CDC40: variants seen among roughly 807,000 people sequenced by gnomAD.
CDC40 encodes the protein pre-mRNA-processing factor 17.
Under a neutral mutation model 80.6 loss-of-function variants are expected in CDC40, and 27 were observed. The observed-to-expected ratio is 0.33, with a 90% CI of 0.25 to 0.46. CDC40 has a LOEUF of 0.46. Ranked by LOEUF, CDC40 falls within the 20% of genes least tolerant of loss-of-function variation. CDC40 has a pLI of 1.00. For synonymous variants in CDC40, 221 were observed against 232.6 expected (o/e 0.95, Z 0.45); for missense variants, 486 against 694.1 (o/e 0.70, Z 3.37).
intron 13 of CDC40, among the ~76,000 whole-genome samples, chr6:110,227,583 G>A (rs1260694202): frequency 5.3e-5 from 8 of 152,154 alleles, no homozygotes; most frequent in Non-Finnish European, 1.2e-4. Context: ...TCCTTAGTAA[G>A]TAATGTTTAC....
At chr6:110,185,203 T>C (rs1562198231) in intron 1 of CDC40, among the ~76,000 whole-genome samples, 2 of 151,968 alleles carry the variant, frequency 1.3e-5, no homozygotes, top group Non-Finnish European at 2.9e-5. Context: ...ACTTCTTTCT[T>C]TCTCTCTTTC....
chr6:110,201,478 C>A, intron 2 of CDC40, 80 bp from the exon 3 acceptor site: 1 of 1,050,992 alleles, frequency 9.5e-7, no homozygotes, highest in South Asian at 1.8e-5. Flanking sequence ...TACAGTTATT[C>A]CAGTAATTCT....
intron 12 of CDC40, among the ~76,000 whole-genome samples, chr6:110,220,701 T>C (rs949904250): frequency 1.3e-5 from 2 of 152,148 alleles, no homozygotes; most frequent in Non-Finnish European, 2.9e-5. Flanking sequence ...CACCTTGGCC[T>C]CCCAAAGTGC....
At chr6:110,183,530 G>A (rs1029434913) in intron 1 of CDC40, among the ~76,000 whole-genome samples, 4 of 152,186 alleles carry the variant, frequency 2.6e-5, no homozygotes, top group African/African-American at 7.2e-5. Flanking sequence ...AGTCCACCCA[G>A]TGGTCTGGGT....
In CDC40 at chr6:110,201,678, G is replaced by C; in HGVS notation, c.397G>C (p.Ala133Pro). The change falls in exon 3 of 15, where the codon GCA (alanine) becomes CCA (proline). Residue 133 changes from alanine to proline, a missense_variant. Transcript: ENST00000307731. ...FMFEQQRRTF[A>P]TYGYALDPSL... ...GTTTGAGCAGCAAAGGAGAACTTTT[G>C]CAACATATGGTAAGGTGATAAGACT... 1 of 1,613,454 alleles carries C rather than the reference G, an allele frequency of 6.2e-7. No homozygotes were observed. Among genetic ancestry groups the C allele is most frequent in the Non-Finnish European group, 8.5e-7 (1 of 1,179,598 alleles).
chr6:110,188,391 T>C (rs1384701773), intron 1 of CDC40, among the ~76,000 whole-genome samples: 1 of 152,240 alleles, frequency 6.6e-6, no homozygotes, highest in Non-Finnish European at 1.5e-5. Flanking sequence ...CTGTTAACTT[T>C]ATAGTACTGA....
At chr6:110,201,807 T>G in intron 3 of CDC40, 120 bp downstream of exon 3, 3 of 703,684 alleles carry the variant, frequency 4.3e-6, no homozygotes, top group Non-Finnish European at 7.2e-6. Flanking sequence ...GAAAGGATAG[T>G]ATGCCTTCCT....
At chr6:110,227,673 A>G (rs1053287615) in intron 13 of CDC40, among the ~76,000 whole-genome samples, 24 of 148,548 alleles carry the variant, frequency 1.6e-4, no homozygotes, top group African/African-American at 5.8e-4. Flanking sequence ...TCAACAAAAT[A>G]AACAATAAAA....
At chr6:110,225,733 T>C (rs978473127) in intron 12 of CDC40, among the ~76,000 whole-genome samples, 1 of 152,184 alleles carries the variant, frequency 6.6e-6, no homozygotes, top group African/African-American at 2.4e-5. Flanking sequence ...CCTACCATGG[T>C]ACATTTTTAA....
chr6:110,224,953 C>T (rs1777831575), intron 12 of CDC40, among the ~76,000 whole-genome samples: 1 of 152,150 alleles, frequency 6.6e-6, no homozygotes. Flanking sequence ...AAGAAACAAG[C>T]CTTTTTTCAT....
intron 1 of CDC40, among the ~76,000 whole-genome samples, chr6:110,186,967 G>A (rs1232688275): frequency 2.6e-5 from 4 of 152,092 alleles, no homozygotes; most frequent in Non-Finnish European, 4.4e-5. Flanking sequence ...ATGACAATGA[G>A]TATTTTCTGG....
rs78104751 is a variant in CDC40 at position 110,213,199 on chromosome 6, A to C, written c.942+39A>C. 4,582 of 1,247,412 alleles carry C rather than the reference A, an allele frequency of 3.7e-3. 30 individuals carry two copies. The highest frequency in any genetic ancestry group is 0.027 in the East Asian group (1,157 of 43,292). 77.3% of individuals were successfully genotyped at this position (1,247,412 alleles called of 1,614,324 possible). A position where few individuals can be genotyped will look rare whatever the true frequency, so the allele number is the denominator to read the frequency against. On this transcript the variant is annotated intron_variant, in intron 8 of 14. Transcript: ENST00000307731. ...AACAGAGTAGGAGTGCTGCAAAGCT[A>C]GTTCTTTGTTTAAATCTGTTTGATT...
At chr6:110,205,987 A>T (rs1189486229) in intron 3 of CDC40, among the ~76,000 whole-genome samples, 1 of 152,220 alleles carries the variant, frequency 6.6e-6, no homozygotes, top group Non-Finnish European at 1.5e-5. Flanking sequence ...GCTGAAAAAA[A>T]CTATATGCAA....
chr6:110,219,237 A>C, intron 10 of CDC40, 127 bp from the exon 11 acceptor site: 1 of 487,450 alleles, frequency 2.1e-6, no homozygotes, highest in East Asian at 3.3e-5. Flanking sequence ...TGTAGTTTAC[A>C]GTAAAGAGCA....
chr6:110,185,826 A>G (rs966188283), intron 1 of CDC40, among the ~76,000 whole-genome samples: 2 of 152,232 alleles, frequency 1.3e-5, no homozygotes, highest in Non-Finnish European at 2.9e-5. Flanking sequence ...TATAGTCATA[A>G]ACACATATCA....
chr6:110,226,571 CTCTTT>C (rs985456092), intron 13 of CDC40, among the ~76,000 whole-genome samples: 4 of 151,638 alleles, frequency 2.6e-5, no homozygotes, highest in African/African-American at 4.8e-5. Flanking sequence ...CTCCCCTCCC[CTCTTT>C]TCTTTTCTTT....
chr6:110,207,668 C>A, intron 4 of CDC40, 79 bp downstream of exon 4: 2 of 780,698 alleles, frequency 2.6e-6, no homozygotes, highest in South Asian at 1.6e-5. Context: ...TTTAATTAGA[C>A]AGTAAAAAAT....
intron 6 of CDC40, chr6:110,211,607 T>A (rs1777637887): frequency 2.0e-5 from 3 of 152,866 alleles, no homozygotes. Context: ...ATATATACTA[T>A]GTCATTTAAT....
At chr6:110,191,378 C>T (rs1472574376) in intron 1 of CDC40, among the ~76,000 whole-genome samples, 1 of 152,118 alleles carries the variant, frequency 6.6e-6, no homozygotes, top group Non-Finnish European at 1.5e-5. Context: ...TATATCCTGC[C>T]ATGAACAAGA....
Sources: gnomAD v4.1 joint callset for allele counts (sites outside exome capture counted in the v4.1 genomes callset) on GRCh38, gnomAD v4.1.1 for gene constraint, MANE v1.5 for transcripts, NCBI Gene and HGNC (gene_info 2026-07-23, HGNC 2026-07-21) for gene names.